STK3: variants seen among roughly 807,000 people sequenced by gnomAD.
STK3 encodes the protein serine/threonine-protein kinase 3.
A neutral mutation model predicts 58.0 loss-of-function variants in STK3; 41 were observed. The ratio of observed to expected loss-of-function variants is 0.71; its 90% CI spans 0.55 to 0.92. The LOEUF (loss-of-function observed/expected upper bound fraction) is 0.92, where lower values mean the gene tolerates loss of function less well. Ranked by LOEUF, STK3 falls within the 40% of genes least tolerant of loss-of-function variation. The probability of loss-of-function intolerance (pLI) is 0.00; values close to 1 mark genes in which losing one functional copy is unlikely to be tolerated. For missense variants in STK3, 479 were observed against 602.7 expected, an observed-to-expected ratio of 0.79 and a Z score of 2.15; for synonymous variants, 170 against 191.0, an observed-to-expected ratio of 0.89 and a Z score of 0.91.
At chr8:98,822,984 T>C (rs955106714) in intron 1 of STK3, among the ~76,000 whole-genome samples, 4 of 152,236 alleles carry the variant, frequency 2.6e-5, no homozygotes, top group Admixed American at 1.3e-4. Flanking sequence ...GCCGAGATTG[T>C]ACCCCTCCAT....
intron 6 of STK3, chr8:98,598,266 TAA>T: frequency 1.0e-6 from 1 of 985,382 alleles, no homozygotes; most frequent in Non-Finnish European, 1.2e-6. Context: ...TCTTAACATA[TAA>T]GGCTCACCTT....
chr8:98,471,978 A>G (rs1359189693), intron 10 of STK3, among the ~76,000 whole-genome samples: 1 of 152,178 alleles, frequency 6.6e-6, no homozygotes, highest in Non-Finnish European at 1.5e-5. Flanking sequence ...ATATAGAGAG[A>G]TTCATATTGC....
At chr8:98,527,819 C>T (rs887764223) in intron 9 of STK3, among the ~76,000 whole-genome samples, 12 of 152,258 alleles carry the variant, frequency 7.9e-5, no homozygotes, top group Admixed American at 3.3e-4. Context: ...CCAGACTTTG[C>T]GCCTAAGTTC....
At chr8:98,401,820 A>G (rs1398467299) in intron 3 of STK3, among the ~76,000 whole-genome samples, 1 of 152,174 alleles carries the variant, frequency 6.6e-6, no homozygotes. Flanking sequence ...GGTTCCCTCA[A>G]GTGCCTAATC....
At chr8:98,558,852 C>T (rs1024038611) in intron 8 of STK3, among the ~76,000 whole-genome samples, 5 of 152,000 alleles carry the variant, frequency 3.3e-5, no homozygotes. Flanking sequence ...ATATCACCTA[C>T]ATAAACTTAG....
chr8:98,451,526 C>T (rs888788618), downstream of STK3, among the ~76,000 whole-genome samples: 2 of 152,116 alleles, frequency 1.3e-5, no homozygotes, highest in African/African-American at 4.8e-5. Context: ...ATTTAGGTAG[C>T]TTTATCAAGT....
intron 6 of STK3, among the ~76,000 whole-genome samples, chr8:98,694,011 T>G (rs545862871): frequency 1.3e-5 from 2 of 152,226 alleles, no homozygotes; most frequent in Admixed American, 6.5e-5. Context: ...GTGAAAAAAG[T>G]AGTGCCATGG....
At chr8:98,733,659 A>G (rs75187397) in intron 4 of STK3, among the ~76,000 whole-genome samples, 6,500 of 152,192 alleles carry the variant, frequency 0.043, 206 homozygotes, top group Non-Finnish European at 0.071. Flanking sequence ...GGCTATGTGC[A>G]TCTCCTTTTT....
chr8:98,819,929 G>A (rs552834389), intron 1 of STK3, among the ~76,000 whole-genome samples: 1 of 151,846 alleles, frequency 6.6e-6, no homozygotes, highest in Non-Finnish European at 1.5e-5. Flanking sequence ...ATTCATAAGC[G>A]CTGAGAGTTA....
At chr8:98,713,906 G>C (rs1428525482) in intron 4 of STK3, among the ~76,000 whole-genome samples, 3 of 152,120 alleles carry the variant, frequency 2.0e-5, no homozygotes, top group African/African-American at 7.2e-5. Flanking sequence ...ACCGAATCCA[G>C]CAGCACATCA....
In STK3 at chr8:98,722,082, A is replaced by C. The variant is rs1827470586; in HGVS notation, c.352-14771T>G. Among the ~76,000 whole-genome samples the C allele has an allele frequency of 2.0e-5, 3 of 152,156 alleles. No individual in the cohort carries two copies. The South Asian group carries it at 6.2e-4, about 32-fold the overall frequency. On this transcript the variant is annotated intron_variant, in intron 4 of 10. Transcript: ENST00000419617. ...AGGAACAGATAGAGGAAGTGGCATT[A>C]AAATCAAGCTTTAAATAAAAAAAGT...
chr8:98,832,689 C>G (rs1016647132), intron 3 of STK3, among the ~76,000 whole-genome samples: 1 of 151,978 alleles, frequency 6.6e-6, no homozygotes, highest in African/African-American at 2.4e-5. Flanking sequence ...CTGGGGTCCC[C>G]TTGGCCAAGG....
intron 10 of STK3, among the ~76,000 whole-genome samples, chr8:98,488,287 T>C (rs1472155838): frequency 6.6e-6 from 1 of 152,206 alleles, no homozygotes; most frequent in African/African-American, 2.4e-5. Context: ...AGATAAAACA[T>C]TGAAAATAAT....
At chr8:98,833,594 C>T (rs1835627227) in intron 3 of STK3, among the ~76,000 whole-genome samples, 1 of 152,054 alleles carries the variant, frequency 6.6e-6, no homozygotes, top group Admixed American at 6.6e-5. Flanking sequence ...TCCTTTAGGG[C>T]CTGTTATTTG....
At chr8:98,775,175 T>C (rs149407000) in intron 1 of STK3, among the ~76,000 whole-genome samples, 231 of 152,326 alleles carry the variant, frequency 1.5e-3, no homozygotes, top group African/African-American at 5.2e-3. Context: ...TAGAGATCTT[T>C]CCATACAGGT....
intron 1 of STK3, among the ~76,000 whole-genome samples, chr8:98,911,923 T>G (rs1018022741): frequency 2.6e-5 from 4 of 152,214 alleles, no homozygotes; most frequent in African/African-American, 9.6e-5. Flanking sequence ...TTGACCAAAA[T>G]AGATTACTTC....
At chr8:98,733,327 T>G (rs984262983) in intron 4 of STK3, among the ~76,000 whole-genome samples, 1 of 152,108 alleles carries the variant, frequency 6.6e-6, no homozygotes, top group Non-Finnish European at 1.5e-5. Flanking sequence ...CGTTGGGAAC[T>G]GGGCCACATA....
chr8:98,577,905 T>C (rs1240377293), intron 8 of STK3, among the ~76,000 whole-genome samples: 1 of 151,794 alleles, frequency 6.6e-6, no homozygotes, highest in African/African-American at 2.4e-5. Flanking sequence ...GTACCGGGTA[T>C]AGCACATGCA....
At chr8:98,845,004 G>C (rs1177464533) in intron 3 of STK3, among the ~76,000 whole-genome samples, 1 of 152,218 alleles carries the variant, frequency 6.6e-6, no homozygotes, top group African/African-American at 2.4e-5. Context: ...CAGTGGCAAT[G>C]ACTTGAGATT....
Sources: allele counts gnomAD v4.1 joint callset (sites outside exome capture counted in the v4.1 genomes callset), GRCh38; gene constraint gnomAD v4.1.1; transcripts MANE v1.5; gene names NCBI Gene and HGNC (gene_info 2026-07-23, HGNC 2026-07-21).